RBFOX1: variants seen among roughly 807,000 people sequenced by gnomAD.
RBFOX1 encodes RNA binding protein fox-1 homolog 1.
In RBFOX1, 8 loss-of-function variants were observed where a neutral mutation model predicts 57.7. The observed-to-expected ratio is 0.14, with a 90% CI of 0.08 to 0.25. The LOEUF is 0.25. Ranked by LOEUF, RBFOX1 falls within the 10% of genes least tolerant of loss-of-function variation. The pLI is 1.00. For missense variants in RBFOX1, 611 were observed against 548.5 expected, an observed-to-expected ratio of 1.11 and a Z score of -1.14; for synonymous variants, 326 against 222.4, an observed-to-expected ratio of 1.47 and a Z score of -4.15.
In RBFOX1 at chr16:7,316,158, G is replaced by A. The variant is rs561694219; in HGVS notation, c.28-201989G>A. 4.6e-5 allele frequency among the ~76,000 whole-genome samples: 7 copies of A among 152,276 alleles called. No homozygotes were observed. In the South Asian group the frequency reaches 1.5e-3, roughly 32 times the overall value. ...AGATTATGTGTTTATATGAGGGATG[G>A]ATCCTCCACTTTGTGTATCAGAGAA... is the stretch of plus-strand genomic sequence containing the variant. On this transcript the variant is annotated intron_variant, in intron 4 of 15. Coordinates refer to ENST00000550418, the MANE Select transcript of RBFOX1 (RefSeq NM_018723.4).
At chr16:7,357,066 C>A (rs1365515404) in intron 4 of RBFOX1, among the ~76,000 whole-genome samples, 1 of 152,124 alleles carries the variant, frequency 6.6e-6, no homozygotes, top group Non-Finnish European at 1.5e-5. Flanking sequence ...TTGGAACATT[C>A]TGCATCAAGG....
At chr16:5,999,809 AGAGATCG>A (rs375619199) in intron 4 of RBFOX1, among the ~76,000 whole-genome samples, 2,700 of 127,926 alleles carry the variant, frequency 0.021, 98 homozygotes, top group East Asian at 0.15. Flanking sequence ...TGTGGTGAGC[AGAGATCG>A]CAGATCGCAC....
intron 2 of RBFOX1, among the ~76,000 whole-genome samples, chr16:6,487,553 G>C (rs550564926): frequency 6.6e-6 from 1 of 151,170 alleles, no homozygotes; most frequent in African/African-American, 2.4e-5. Flanking sequence ...AGCATTTACC[G>C]ATAGTGAAGA....
At chr16:6,431,175 A>G (rs1016453983) in intron 2 of RBFOX1, among the ~76,000 whole-genome samples, 3 of 151,848 alleles carry the variant, frequency 2.0e-5, no homozygotes, top group African/African-American at 7.3e-5. Flanking sequence ...GCAATGGTCT[A>G]GGTGGGGAAA....
chr16:7,432,922 G>T (rs2098693575), intron 4 of RBFOX1, among the ~76,000 whole-genome samples: 1 of 152,182 alleles, frequency 6.6e-6, no homozygotes, highest in Admixed American at 6.5e-5. Context: ...TGCCCCAGAG[G>T]ATTCAATGTG....
intron 1 of RBFOX1, among the ~76,000 whole-genome samples, chr16:6,119,742 A>G (rs1054324596): frequency 1.1e-4 from 17 of 152,154 alleles, no homozygotes; most frequent in South Asian, 6.2e-4. Flanking sequence ...ACCCTAAGCA[A>G]TCCTCCCTCA....
chr16:6,523,378 G>A (rs1305861247), intron 2 of RBFOX1, among the ~76,000 whole-genome samples: 4 of 152,160 alleles, frequency 2.6e-5, no homozygotes, highest in Non-Finnish European at 5.9e-5. Flanking sequence ...GGCATCGGAA[G>A]CTGTGATTTT....
chr16:7,125,975 C>T (rs534505744), intron 4 of RBFOX1, among the ~76,000 whole-genome samples: 6 of 152,034 alleles, frequency 3.9e-5, no homozygotes, highest in Middle Eastern at 3.2e-3. Context: ...CCCAGCTGCT[C>T]GGGAGGCTGA....
intron 2 of RBFOX1, among the ~76,000 whole-genome samples, chr16:5,511,768 T>C (rs1410252733): frequency 1.3e-5 from 2 of 152,224 alleles, no homozygotes; most frequent in Non-Finnish European, 2.9e-5. Context: ...ATTCACCATG[T>C]GATGCTTTAT....
chr16:5,299,704 GT>G lies in RBFOX1; in HGVS notation c.219+59605del, dbSNP rs999187326. Among the ~76,000 whole-genome samples, 6 of 152,206 alleles carry G rather than the reference GT, an allele frequency of 3.9e-5. No individual in the cohort carries two copies. The East Asian group carries it at 9.7e-4, about 24-fold the overall frequency. Reference sequence around the variant, plus strand: ...GTGAGCTTTTTGTGGATTTCATGGGGTTTTTTGATGTATACAATCATGCCAT... The same window carrying G: ...GTGAGCTTTTTGTGGATTTCATGGGGTTTTTGATGTATACAATCATGCCAT... On this transcript the variant is annotated intron_variant, in intron 1 of 2. Coordinates refer to the RBFOX1 transcript ENST00000585867.
At chr16:6,345,892 A>G (rs1040867825) in intron 2 of RBFOX1, among the ~76,000 whole-genome samples, 3 of 152,212 alleles carry the variant, frequency 2.0e-5, no homozygotes, top group African/African-American at 4.8e-5. Context: ...CAATCAATAC[A>G]TGTAAGAAAT....
chr16:6,368,907 A>G (rs115243139), intron 2 of RBFOX1, among the ~76,000 whole-genome samples: 6 of 152,226 alleles, frequency 3.9e-5, no homozygotes, highest in African/African-American at 1.4e-4. Context: ...GCAGTGGAAT[A>G]CTACAGAGCA....
At chr16:7,688,199 T>G (rs190807754) in intron 14 of RBFOX1, among the ~76,000 whole-genome samples, 1 of 148,718 alleles carries the variant, frequency 6.7e-6, no homozygotes, top group African/African-American at 2.5e-5. Context: ...GATTGCCTAG[T>G]AGGCATCCTT....
intron 2 of RBFOX1, among the ~76,000 whole-genome samples, chr16:6,623,216 A>T (rs2098258630): frequency 1.3e-5 from 2 of 152,148 alleles, no homozygotes; most frequent in Non-Finnish European, 1.5e-5. Flanking sequence ...TAGGTTAGTC[A>T]ATTTGAGATT....
chr16:7,657,585 G>A (rs549332066), intron 12 of RBFOX1, among the ~76,000 whole-genome samples: 1 of 152,344 alleles, frequency 6.6e-6, no homozygotes, highest in East Asian at 1.9e-4. Flanking sequence ...GATTATAGGC[G>A]TGGGCCACTG....
chr16:7,373,699 G>A (rs528263814), intron 4 of RBFOX1, among the ~76,000 whole-genome samples: 2 of 152,346 alleles, frequency 1.3e-5, no homozygotes, highest in South Asian at 2.1e-4. Flanking sequence ...GCAATGGTCA[G>A]TTATTGAAGT....
chr16:6,276,314 A>T (rs966283823), intron 1 of RBFOX1, among the ~76,000 whole-genome samples: 1 of 152,152 alleles, frequency 6.6e-6, no homozygotes, highest in Non-Finnish European at 1.5e-5. Context: ...GCACATGCTC[A>T]TAGAAATATG....
intron 4 of RBFOX1, among the ~76,000 whole-genome samples, chr16:7,472,287 GGA>G (rs201545987): frequency 0.027 from 4,171 of 152,002 alleles, 172 homozygotes; most frequent in African/African-American, 0.093. Context: ...GTAAATACAT[GGA>G]GTACCATGTA....
chr16:7,282,228 T>C (rs2095559271), intron 4 of RBFOX1, among the ~76,000 whole-genome samples: 1 of 152,138 alleles, frequency 6.6e-6, no homozygotes, highest in African/African-American at 2.4e-5. Flanking sequence ...CCATTTTCTT[T>C]GCAGCGTTTG....
Sources: gnomAD v4.1 joint callset for allele counts (sites outside exome capture counted in the v4.1 genomes callset) on GRCh38, gnomAD v4.1.1 for gene constraint, MANE v1.5 for transcripts, NCBI Gene and HGNC (gene_info 2026-07-23, HGNC 2026-07-21) for gene names.